The following LRP1B variants were observed in gnomAD, a reference collection of about 807,000 sequenced individuals.
LRP1B encodes the protein LDL receptor related protein 1B, also known as low-density lipoprotein receptor-related protein 1B.
LRP1B carries 217 observed loss-of-function variants against 556.6 expected under a neutral mutation model. The ratio of observed to expected loss-of-function variants is 0.39; its 90% CI spans 0.35 to 0.44. LRP1B has a LOEUF of 0.44. Among genes scored for constraint, LRP1B ranks in the 20% least tolerant of loss-of-function variants. The probability of loss-of-function intolerance (pLI) is 1.00; values close to 1 mark genes in which losing one functional copy is unlikely to be tolerated. For synonymous variants in LRP1B, 2,047 were observed against 1,865.8 expected (o/e 1.10, Z -2.50); for missense variants, 5,053 against 5,620.8 (o/e 0.90, Z 3.23).
At position 140,525,944 on chromosome 2, in the gene LRP1B, C is replaced by T. The variant is rs2104967816; in HGVS notation, c.7926G>A (p.Gly2642=). Residue 2642 remains glycine (G), a synonymous_variant, in exon 49 of 91, where the codon GGG becomes GGA. Transcript: ENST00000389484. The stretch of plus-strand genomic sequence containing the variant: ...GTGAGGTAGAATTACATCTTATGAA[C>T]CCTGTGGTTTTCACTCCAAGCTTAT... ...HFYKLGVKTT[G]FIRCNSTSLC... 6.2e-7 allele frequency: 1 copy of T among 1,612,282 alleles called. No individual in the cohort carries two copies. Among genetic ancestry groups the T allele is most frequent in the Non-Finnish European group, 8.5e-7 (1 of 1,178,884 alleles).
At chr2:140,506,336 C>T (rs907634188) in intron 53 of LRP1B, among the ~76,000 whole-genome samples, 4 of 152,068 alleles carry the variant, frequency 2.6e-5, no homozygotes, top group African/African-American at 9.7e-5. Context: ...CCTCTACTTC[C>T]TGGGTACAAG....
At chr2:141,330,985 C>G (rs1247619000) in intron 3 of LRP1B, among the ~76,000 whole-genome samples, 1 of 152,130 alleles carries the variant, frequency 6.6e-6, no homozygotes, top group Non-Finnish European at 1.5e-5. Context: ...GTCTCGATCT[C>G]CTGACCTCGT....
At chr2:141,333,236 G>T (rs1297684650) in intron 3 of LRP1B, among the ~76,000 whole-genome samples, 2 of 151,890 alleles carry the variant, frequency 1.3e-5, no homozygotes, top group African/African-American at 2.4e-5. Flanking sequence ...ACTCAATAGG[G>T]GATAAACGCC....
At chr2:140,259,573 T>C (rs556058718) in intron 86 of LRP1B, among the ~76,000 whole-genome samples, 3 of 152,186 alleles carry the variant, frequency 2.0e-5, no homozygotes, top group Admixed American at 2.0e-4. Flanking sequence ...GATAGAATGA[T>C]AAGTGTATCA....
chr2:140,539,028 G>T (rs1680034091), intron 45 of LRP1B, among the ~76,000 whole-genome samples: 1 of 152,098 alleles, frequency 6.6e-6, no homozygotes, highest in Admixed American at 6.6e-5. Context: ...TCATGGTTCA[G>T]CTGCCCTTAT....
chr2:141,904,659 G>A (rs563429812), intron 1 of LRP1B, among the ~76,000 whole-genome samples: 7 of 151,826 alleles, frequency 4.6e-5, no homozygotes, highest in Admixed American at 2.0e-4. Context: ...AAATGGTATC[G>A]CCTATGGAAA....
intron 7 of LRP1B, among the ~76,000 whole-genome samples, chr2:141,150,345 A>T (rs995927867): frequency 6.6e-6 from 1 of 152,236 alleles, no homozygotes; most frequent in Non-Finnish European, 1.5e-5. Flanking sequence ...ATATTTCAGC[A>T]GGAAAAAGAA....
chr2:142,107,541 C>T (rs952905268), intron 1 of LRP1B, among the ~76,000 whole-genome samples: 5 of 152,124 alleles, frequency 3.3e-5, no homozygotes, highest in East Asian at 1.9e-4. Context: ...CTAGTCTCAA[C>T]GTTTTTGTTT....
chr2:141,193,001 T>G (rs1272475372), intron 6 of LRP1B, among the ~76,000 whole-genome samples: 1 of 151,964 alleles, frequency 6.6e-6, no homozygotes, highest in Non-Finnish European at 1.5e-5. Context: ...ACACATCAAT[T>G]TTTTTGTTAT....
intron 2 of LRP1B, among the ~76,000 whole-genome samples, chr2:141,802,026 A>G (rs1024129273): frequency 1.3e-5 from 2 of 152,134 alleles, no homozygotes; most frequent in South Asian, 2.1e-4. Context: ...CAAGAAATCT[A>G]CAAGGTTGGT....
At chr2:141,590,056 G>A (rs543104674) in intron 2 of LRP1B, among the ~76,000 whole-genome samples, 2 of 152,100 alleles carry the variant, frequency 1.3e-5, no homozygotes, top group South Asian at 4.1e-4. Context: ...GGGTTGTACT[G>A]GAGGCTTATT....
chr2:141,288,221 T>C (rs1685796597), intron 3 of LRP1B, among the ~76,000 whole-genome samples: 1 of 135,810 alleles, frequency 7.4e-6, no homozygotes, highest in Admixed American at 7.9e-5. Context: ...AGACATCTCA[T>C]ATAAATGGAA....
intron 17 of LRP1B, among the ~76,000 whole-genome samples, chr2:140,988,775 A>G (rs1697004069): frequency 1.3e-5 from 2 of 152,220 alleles, no homozygotes; most frequent in South Asian, 4.2e-4. Context: ...ATATGTTTTG[A>G]TGTTGCTCTA....
At chr2:140,905,794 T>C (rs74397912) in intron 22 of LRP1B, among the ~76,000 whole-genome samples, 2 of 152,136 alleles carry the variant, frequency 1.3e-5, no homozygotes, top group East Asian at 3.9e-4. Flanking sequence ...GAGTTACTAA[T>C]GAGTAAAATC....
chr2:141,144,383 GA>G (rs1701731406), intron 7 of LRP1B, among the ~76,000 whole-genome samples: 1 of 152,152 alleles, frequency 6.6e-6, no homozygotes, highest in Non-Finnish European at 1.5e-5. Flanking sequence ...GATGTGAAAT[GA>G]AACTGACATA....
chr2:141,247,215 T>G lies in LRP1B; in HGVS notation c.592+11A>C. ...TTCTGGAAAGACAAAAAATAAATGGTCATAACTTACCAATTTTAGCCTTGC... is the reference window on the plus strand; with the variant it reads ...TTCTGGAAAGACAAAAAATAAATGGGCATAACTTACCAATTTTAGCCTTGC... On this transcript the variant is annotated intron_variant, in intron 5 of 90. Transcript: ENST00000389484. 2 of 1,613,320 alleles carry G rather than the reference T, an allele frequency of 1.2e-6. No individual in the cohort carries two copies. The highest frequency in any genetic ancestry group is 1.7e-6 in the Non-Finnish European group (2 of 1,179,590).
rs1414396162 is a variant in LRP1B at position 140,748,804 on chromosome 2, T to C, written c.5758+20409A>G. On this transcript the variant is annotated intron_variant, in intron 35 of 90. Coordinates refer to ENST00000389484, the MANE Select transcript of LRP1B (RefSeq NM_018557.3). ...TATATAATATATATTATATACATAT[T>C]ATATACATGTATATAATATATATCA... 5.5e-4 allele frequency among the ~76,000 whole-genome samples: 60 copies of C among 108,914 alleles called. 1 individual carries two copies. Among genetic ancestry groups the C allele is most frequent in the African/African-American group, 2.0e-3 (56 of 27,440 alleles). The allele number at this position is 108,914 out of a possible 152,430, so 71.5% of individuals were successfully genotyped here. A position where few individuals can be genotyped will look rare whatever the true frequency, so the allele number is the denominator to read the frequency against.
intron 2 of LRP1B, among the ~76,000 whole-genome samples, chr2:141,489,623 T>C (rs543322585): frequency 1.6e-4 from 25 of 152,140 alleles, no homozygotes; most frequent in Admixed American, 1.3e-3. Context: ...ACAGAAGCAA[T>C]ACAACTTTCC....
At chr2:141,345,229 C>A (rs1050860547) in intron 3 of LRP1B, among the ~76,000 whole-genome samples, 1 of 151,204 alleles carries the variant, frequency 6.6e-6, no homozygotes, top group Non-Finnish European at 1.5e-5. Context: ...AGCAACACAC[C>A]AATACTGCCC....
Sources: gnomAD v4.1 joint callset for allele counts (sites outside exome capture counted in the v4.1 genomes callset) on GRCh38, gnomAD v4.1.1 for gene constraint, MANE v1.5 for transcripts, NCBI Gene and HGNC (gene_info 2026-07-23, HGNC 2026-07-21) for gene names.